Variants in GLIS3 observed in about 807,000 individuals in gnomAD.
GLIS3 encodes GLIS family zinc finger 3, also known as zinc finger protein GLIS3.
GLIS3 carries 53 observed loss-of-function variants against 78.6 expected under a neutral mutation model. That is an observed-to-expected ratio of 0.67 (90% CI 0.54 to 0.85). The LOEUF (loss-of-function observed/expected upper bound fraction) is 0.85. Among genes scored for constraint, GLIS3 ranks in the 40% least tolerant of loss-of-function variants. GLIS3 has a pLI of 0.00. For missense variants in GLIS3, 1,703 were observed against 1,231.1 expected (o/e 1.38, Z -5.74); for synonymous variants, 684 against 509.9 (o/e 1.34, Z -4.60).
intron 2 of GLIS3, among the ~76,000 whole-genome samples, chr9:4,338,629 A>G (rs1318013512): frequency 6.6e-6 from 1 of 152,214 alleles, no homozygotes; most frequent in Non-Finnish European, 1.5e-5. Context: ...GTTCACAGGC[A>G]TTGTTCTGCA....
At chr9:4,008,956 G>C (rs566880601) in intron 4 of GLIS3, among the ~76,000 whole-genome samples, 2 of 152,204 alleles carry the variant, frequency 1.3e-5, no homozygotes, top group East Asian at 3.9e-4. Context: ...TTCCACTACA[G>C]CATGTGTTCT....
chr9:4,186,631 C>T (rs1481061955), intron 2 of GLIS3, among the ~76,000 whole-genome samples: 19 of 151,148 alleles, frequency 1.3e-4, no homozygotes, highest in Non-Finnish European at 2.4e-4. Flanking sequence ...TAAAAGTGTT[C>T]CTATTTCTCC....
chr9:4,118,372 T>C lies in GLIS3; in HGVS notation c.1106A>G (p.Gln369Arg), dbSNP rs1482802894. The C allele has an allele frequency of 1.3e-6, 2 of 1,594,012 alleles. No individual in the cohort carries two copies. Among genetic ancestry groups the C allele is most frequent in the African/African-American group, 1.3e-5 (1 of 74,534 alleles). The change falls in exon 4 of 11, where the codon CAG (glutamine) becomes CGG (arginine). Residue 369 changes from glutamine (Q) to arginine (R), a missense_variant. Gln to Arg is a conservative substitution (Grantham distance 43). Transcript: ENST00000381971. The surrounding 1 kb of genome is among the most constrained non-coding windows in gnomAD (Gnocchi z 4.7). ...TCCAGGGGCCACCAGCACGCCCTTC[T>C]GGCTGCCGGGCACCGGGCGCGGCTG... ...IPQPRPVPGS[Q>R]KGVLVAPGGL...
intron 7 of GLIS3, among the ~76,000 whole-genome samples, chr9:3,883,339 G>T (rs1821862403): frequency 6.6e-6 from 1 of 152,080 alleles, no homozygotes; most frequent in African/African-American, 2.4e-5. Flanking sequence ...CACCAGGCAG[G>T]TGCTAATCTC....
chr9:3,904,652 T>C (rs1314335532), intron 6 of GLIS3, among the ~76,000 whole-genome samples: 2 of 152,176 alleles, frequency 1.3e-5, no homozygotes, highest in Non-Finnish European at 2.9e-5. Context: ...TGGATGTGCA[T>C]AGTCAACAGG....
chr9:4,090,033 A>G (rs1829364683), intron 4 of GLIS3, among the ~76,000 whole-genome samples: 1 of 152,176 alleles, frequency 6.6e-6, no homozygotes, highest in African/African-American at 2.4e-5. Flanking sequence ...GCCCTGTGTC[A>G]GTGGGTTGTC....
At chr9:4,225,116 A>C (rs1433333909) in intron 2 of GLIS3, among the ~76,000 whole-genome samples, 2 of 151,966 alleles carry the variant, frequency 1.3e-5, no homozygotes, top group South Asian at 2.1e-4. Context: ...CAGATAAGGA[A>C]AATGAGCCTC....
chr9:4,050,957 A>G (rs1168377778), intron 4 of GLIS3, among the ~76,000 whole-genome samples: 2 of 152,082 alleles, frequency 1.3e-5, no homozygotes, highest in Non-Finnish European at 2.9e-5. Context: ...AATAAACTAC[A>G]AAGATTTATT....
intron 2 of GLIS3, 107 bp downstream of exon 2, chr9:4,285,931 C>T (rs773854156): frequency 7.5e-7 from 1 of 1,341,390 alleles, no homozygotes; most frequent in Non-Finnish European, 1.1e-6. Context: ...CATCTTTGAC[C>T]CTGACACTGA....
At chr9:3,985,212 G>A (rs1473664820) in intron 4 of GLIS3, among the ~76,000 whole-genome samples, 1 of 152,016 alleles carries the variant, frequency 6.6e-6, no homozygotes, top group East Asian at 1.9e-4. Flanking sequence ...TAAAGAGCTT[G>A]GCTCACTGCA....
chr9:3,995,265 A>G (rs1376649777), intron 4 of GLIS3, among the ~76,000 whole-genome samples: 1 of 152,182 alleles, frequency 6.6e-6, no homozygotes, highest in Non-Finnish European at 1.5e-5. Flanking sequence ...ATGTGGTCCA[A>G]AACACTCAAA....
At chr9:4,464,413 G>C in the GLIS3 span, among the ~76,000 whole-genome samples, 2 of 143,404 alleles carry the variant, frequency 1.4e-5, no homozygotes, top group Non-Finnish European at 3.0e-5. Flanking sequence ...TTATTTTTTT[G>C]AGACAGAGTC....
chr9:3,936,220 A>G (rs536106498), intron 5 of GLIS3, among the ~76,000 whole-genome samples: 49 of 152,296 alleles, frequency 3.2e-4, no homozygotes, highest in African/African-American at 1.2e-3. Flanking sequence ...TGTTAAGCGC[A>G]GTGAAATTAC....
chr9:4,089,178 G>A (rs994152158), intron 4 of GLIS3, among the ~76,000 whole-genome samples: 5 of 152,192 alleles, frequency 3.3e-5, no homozygotes, highest in Non-Finnish European at 5.9e-5. Flanking sequence ...CTCAACTGCA[G>A]TGTGGAAGTT....
At chr9:4,288,790 C>T (rs1417356462) in intron 1 of GLIS3, among the ~76,000 whole-genome samples, 1 of 151,830 alleles carries the variant, frequency 6.6e-6, no homozygotes, top group Non-Finnish European at 1.5e-5. Flanking sequence ...AAGCAACAGC[C>T]AGAAAGTAAA....
In GLIS3 at chr9:4,299,715, C is replaced by A; in HGVS notation, c.-393G>T. Reference sequence around the variant, plus strand: ...GCTGGACCCTCGGCATCAGCTCATTCTCCCCTGCTACACACATACACACAC... The same window carrying A: ...GCTGGACCCTCGGCATCAGCTCATTATCCCCTGCTACACACATACACACAC... On this transcript the variant is annotated 5_prime_UTR_variant, in exon 1 of 11. Transcript: ENST00000381971. 1 of 152,580 alleles carries A rather than the reference C, an allele frequency of 6.6e-6. No homozygotes were observed. The allele number at this position is 152,580 out of a possible 1,614,324, so 9.5% of individuals were successfully genotyped here. A position where few individuals can be genotyped will look rare whatever the true frequency, so the allele number is the denominator to read the frequency against.
chr9:4,213,144 T>C (rs542662347), intron 2 of GLIS3, among the ~76,000 whole-genome samples: 2 of 152,274 alleles, frequency 1.3e-5, no homozygotes, highest in East Asian at 1.9e-4. Context: ...CCTCCTAGAA[T>C]TGACCAGGTA....
At chr9:4,351,873 A>G (rs1218668044), upstream of GLIS3, among the ~76,000 whole-genome samples, 1 of 152,196 alleles carries the variant, frequency 6.6e-6, no homozygotes, top group African/African-American at 2.4e-5. Flanking sequence ...TCTTAAAAAA[A>G]AAATGCACAC....
At chr9:4,405,377 GA>G in the GLIS3 span, among the ~76,000 whole-genome samples, 1 of 149,194 alleles carries the variant, frequency 6.7e-6, no homozygotes, top group African/African-American at 2.5e-5. Flanking sequence ...AAAAGAAAAA[GA>G]AAAAAGAAAA....
Sources: gnomAD v4.1 joint callset for allele counts (sites outside exome capture counted in the v4.1 genomes callset) on GRCh38, gnomAD v4.1.1 for gene constraint, Gnocchi (gnomAD v3.1) non-coding constraint, MANE v1.5 for transcripts, NCBI Gene and HGNC (gene_info 2026-07-23, HGNC 2026-07-21) for gene names.